STK32A: variants seen among roughly 807,000 people sequenced by gnomAD.
STK32A encodes serine/threonine-protein kinase 32A.
In STK32A, 41 loss-of-function variants were observed where a neutral mutation model predicts 53.2. The ratio of observed to expected loss-of-function variants is 0.77; its 90% CI spans 0.60 to 1.00. The LOEUF (loss-of-function observed/expected upper bound fraction) is 1.00. STK32A is among the 50% of genes least tolerant of loss of function. The pLI is 0.00. For missense variants in STK32A, 458 were observed against 485.8 expected, an observed-to-expected ratio of 0.94 and a Z score of 0.54; for synonymous variants, 166 against 162.8, an observed-to-expected ratio of 1.02 and a Z score of -0.15.
At position 147,335,809 on chromosome 5, in the gene STK32A, G is replaced by GCA. The variant is rs960550350; in HGVS notation, c.435-7196_435-7195insAC. 6.9e-4 allele frequency among the ~76,000 whole-genome samples: 105 copies of GCA among 152,204 alleles called. 1 individual carries two copies. The highest frequency in any genetic ancestry group is 2.5e-3 in the African/African-American group (103 of 41,524). ...TGTGTGTATGTGTGTGTGTGTGCGC[G>GCA]CGTGCATGCGTGCGCGTGTGTGCGC... is the stretch of plus-strand genomic sequence containing the variant. On this transcript the variant is annotated intron_variant, in intron 5 of 12. Transcript: ENST00000397936.
chr5:147,270,083 T>A (rs13188457), intron 2 of STK32A, among the ~76,000 whole-genome samples: 89,456 of 151,974 alleles, frequency 0.59, 26,697 homozygotes, highest in African/African-American at 0.67. Flanking sequence ...TCAAAAGCAA[T>A]TGGTTTTAAA....
intron 7 of STK32A, among the ~76,000 whole-genome samples, chr5:147,353,477 C>T (rs1333851564): frequency 6.6e-6 from 1 of 152,088 alleles, no homozygotes; most frequent in Non-Finnish European, 1.5e-5. Context: ...ACTACTCATG[C>T]TTGGCGGGGT....
intron 7 of STK32A, among the ~76,000 whole-genome samples, chr5:147,351,963 A>G (rs1410855721): frequency 6.6e-6 from 1 of 152,232 alleles, no homozygotes; most frequent in African/African-American, 2.4e-5. Flanking sequence ...ACATACATAG[A>G]GCTATAAACT....
intron 5 of STK32A, among the ~76,000 whole-genome samples, chr5:147,339,016 T>C (rs988144520): frequency 1.3e-5 from 2 of 152,186 alleles, no homozygotes; most frequent in African/African-American, 2.4e-5. Flanking sequence ...TGAGGAGAAA[T>C]TCAAACTGGC....
In STK32A at chr5:147,239,729, C is replaced by T. The variant is rs758241695; in HGVS notation, c.52+43C>T. 1.5e-5 allele frequency: 22 copies of T among 1,489,086 alleles called. No homozygotes were observed. In the South Asian group the frequency reaches 1.6e-4, roughly 11 times the overall value. The allele number at this position is 1,489,086 out of a possible 1,614,324, so 92.2% of individuals were successfully genotyped here. On this transcript the variant is annotated intron_variant, in intron 2 of 12. Transcript: ENST00000397936. Reference sequence around the variant, plus strand: ...GTGGCATATAAAAAATAGAATTTTGCAAAATTCAAGTATATGCTTCTAGTT... The same window carrying T: ...GTGGCATATAAAAAATAGAATTTTGTAAAATTCAAGTATATGCTTCTAGTT...
At position 147,324,005 on chromosome 5, in the gene STK32A, T is replaced by G; in HGVS notation, c.368T>G (p.Val123Gly). 6.2e-7 allele frequency: 1 copy of G among 1,612,096 alleles called. No individual in the cohort carries two copies. The highest frequency in any genetic ancestry group is 8.5e-7 in the Non-Finnish European group (1 of 1,179,122). ...QQNVHFKEET[V>G]KLFICELVMA... ...AACGTCCACTTCAAGGAAGAAACAG[T>G]GAAGCTCTTCATCTGTGAGCTGGTC... Residue 123 changes from valine to glycine, a missense_variant, in exon 5 of 13, where the codon GTG becomes GGG. Coordinates refer to ENST00000397936, the MANE Select transcript of STK32A (RefSeq NM_001112724.2).
chr5:147,281,065 C>A (rs1324742652), intron 4 of STK32A, among the ~76,000 whole-genome samples: 1 of 151,410 alleles, frequency 6.6e-6, no homozygotes, highest in Non-Finnish European at 1.5e-5. Context: ...TCACAAGAAA[C>A]CATATCCATA....
the STK32A span, among the ~76,000 whole-genome samples, chr5:147,398,249 C>T: frequency 6.6e-6 from 1 of 152,120 alleles, no homozygotes; most frequent in African/African-American, 2.4e-5. Context: ...AAGCAAAGGC[C>T]ATTGCCACCA....
intron 2 of STK32A, among the ~76,000 whole-genome samples, chr5:147,261,839 C>G (rs543010021): frequency 2.6e-5 from 4 of 152,076 alleles, no homozygotes; most frequent in Non-Finnish European, 5.9e-5. Context: ...ATTATTTTTT[C>G]TCTTTGGAAA....
chr5:147,330,226 A>G (rs2151981127), intron 5 of STK32A, among the ~76,000 whole-genome samples: 1 of 152,340 alleles, frequency 6.6e-6, no homozygotes, highest in South Asian at 2.1e-4. Flanking sequence ...TTCCAAGCTC[A>G]GTCAGAATGT....
At chr5:147,340,900 A>G (rs1755372080) in intron 5 of STK32A, among the ~76,000 whole-genome samples, 1 of 152,208 alleles carries the variant, frequency 6.6e-6, no homozygotes, top group Admixed American at 6.5e-5. Context: ...TCTGATGAAT[A>G]AATGAATACA....
At chr5:147,240,284 GTC>G (rs897694654) in intron 2 of STK32A, 3 of 152,356 alleles carry the variant, frequency 2.0e-5, no homozygotes, top group Non-Finnish European at 2.9e-5. Flanking sequence ...GCCTCCTCAT[GTC>G]CCTCTTCCTT....
intron 8 of STK32A, 118 bp from the exon 9 acceptor site, chr5:147,370,536 G>C: frequency 1.7e-6 from 1 of 593,842 alleles, no homozygotes. Flanking sequence ...CAGCTGGACA[G>C]GGTTAGAAAT....
Position 147,387,052 on chromosome 5 carries a change from G to A in STK32A, c.*3069G>A, listed in dbSNP as rs1343510717. The A allele has an allele frequency of 6.6e-6, 1 of 152,208 alleles. No homozygotes were observed. The highest frequency in any genetic ancestry group is 1.5e-5 in the Non-Finnish European group (1 of 68,046). The allele number at this position is 152,208 out of a possible 1,614,324, so 9.4% of individuals were successfully genotyped here. ...ATCCTTTGGCCTGGTATTCTTGAAT[G>A]TTTTTCTCCCAGTGCTTCCCTTGCC... On this transcript the variant is annotated 3_prime_UTR_variant, in exon 13 of 13. Coordinates refer to ENST00000397936, the MANE Select transcript of STK32A (RefSeq NM_001112724.2).
chr5:147,353,351 A>G (rs926987624), intron 7 of STK32A, among the ~76,000 whole-genome samples: 1 of 152,210 alleles, frequency 6.6e-6, no homozygotes, highest in African/African-American at 2.4e-5. Flanking sequence ...GTAATAAGCA[A>G]ATAGGACTAA....
At chr5:147,297,865 A>G (rs1752939797) in intron 4 of STK32A, among the ~76,000 whole-genome samples, 1 of 151,962 alleles carries the variant, frequency 6.6e-6, no homozygotes, top group Non-Finnish European at 1.5e-5. Context: ...CTGTAATCTC[A>G]GCTACTCAGG....
chr5:147,341,448 C>T (rs1477940754), intron 5 of STK32A, among the ~76,000 whole-genome samples: 1 of 152,194 alleles, frequency 6.6e-6, no homozygotes, highest in Non-Finnish European at 1.5e-5. Flanking sequence ...CCATCCCTGA[C>T]ATCATGATCC....
chr5:147,315,273 C>A (rs1303847125), intron 4 of STK32A, among the ~76,000 whole-genome samples: 2 of 152,104 alleles, frequency 1.3e-5, no homozygotes, highest in South Asian at 2.1e-4. Flanking sequence ...TACTTGCACA[C>A]CAGTGTTCAC....
At chr5:147,291,624 A>G (rs756966928) in intron 4 of STK32A, among the ~76,000 whole-genome samples, 3 of 152,192 alleles carry the variant, frequency 2.0e-5, no homozygotes, top group Non-Finnish European at 4.4e-5. Context: ...TAAAAACATC[A>G]TGAAGAAAAT....
Sources: gnomAD v4.1 joint callset for allele counts (sites outside exome capture counted in the v4.1 genomes callset) on GRCh38, gnomAD v4.1.1 for gene constraint, MANE v1.5 for transcripts, NCBI Gene and HGNC (gene_info 2026-07-23, HGNC 2026-07-21) for gene names.